The following CYB5R4 variants were observed in gnomAD, a reference collection of about 807,000 sequenced individuals.
CYB5R4 encodes cytochrome b5 reductase 4, also known as N-terminal cytochrome b5 and cytochrome b5 oxidoreductase domain-containing protein.
Under a neutral mutation model 70.2 loss-of-function variants are expected in CYB5R4, and 55 were observed. The ratio of observed to expected loss-of-function variants is 0.78; its 90% CI spans 0.63 to 0.98. The LOEUF is 0.98. Among genes scored for constraint, CYB5R4 ranks in the 50% least tolerant of loss-of-function variants. The pLI, the probability that CYB5R4 is intolerant of heterozygous loss-of-function variation, is 0.00. For synonymous variants in CYB5R4, 197 were observed against 199.5 expected, an observed-to-expected ratio of 0.99 and a Z score of 0.11; for missense variants, 562 against 612.6, an observed-to-expected ratio of 0.92 and a Z score of 0.87.
At chr6:83,893,747 G>C in intron 3 of CYB5R4, 125 bp downstream of exon 3, 1 of 568,580 alleles carries the variant, frequency 1.8e-6, no homozygotes, top group Non-Finnish European at 3.1e-6. Context: ...GAATTTTGAA[G>C]TGTGGGAAGA....
intron 3 of CYB5R4, among the ~76,000 whole-genome samples, chr6:83,906,765 T>A (rs2129137299): frequency 6.6e-6 from 1 of 152,338 alleles, no homozygotes; most frequent in South Asian, 2.1e-4. Context: ...ATACCTCTAG[T>A]CAACTATCTT....
intron 14 of CYB5R4, among the ~76,000 whole-genome samples, chr6:83,946,045 AAG>A (rs745382731): frequency 2.6e-5 from 4 of 152,212 alleles, no homozygotes; most frequent in Non-Finnish European, 5.9e-5. Flanking sequence ...ACAGTAGAAA[AAG>A]AGGGAATCCT....
At chr6:83,937,330 T>G (rs1163635720) in intron 12 of CYB5R4, among the ~76,000 whole-genome samples, 1 of 151,942 alleles carries the variant, frequency 6.6e-6, no homozygotes, top group African/African-American at 2.4e-5. Context: ...GAATATCACT[T>G]TATGGAGCCC....
At position 83,961,133 on chromosome 6, in the gene CYB5R4, A is replaced by AG. The variant is rs2099473274; in HGVS notation, c.*1256dup. The AG allele has an allele frequency of 6.6e-6, 1 of 152,198 alleles. No homozygotes were observed. The highest frequency in any genetic ancestry group is 1.5e-5 in the Non-Finnish European group (1 of 68,044). The allele number at this position is 152,198 out of a possible 1,614,324, so 9.4% of individuals were successfully genotyped here. A position where few individuals can be genotyped will look rare whatever the true frequency, so the allele number is the denominator to read the frequency against. On this transcript the variant is annotated 3_prime_UTR_variant, in exon 16 of 16. Transcript: ENST00000369681. ...AATATTCCCCAAATTACAGACGCCCAGCTTGTGAAGCTTCCTATGTGCAAA... is the reference window on the plus strand; with the variant it reads ...AATATTCCCCAAATTACAGACGCCCAGGCTTGTGAAGCTTCCTATGTGCAAA...
At chr6:83,941,932 A>C (rs1158647567) in intron 14 of CYB5R4, among the ~76,000 whole-genome samples, 1 of 152,208 alleles carries the variant, frequency 6.6e-6, no homozygotes. Flanking sequence ...AACTTTATTC[A>C]CAAATTACTT....
intron 5 of CYB5R4, among the ~76,000 whole-genome samples, chr6:83,916,637 T>C (rs1222443063): frequency 3.3e-5 from 5 of 152,178 alleles, no homozygotes; most frequent in African/African-American, 1.2e-4. Context: ...TTTGTTTATT[T>C]GAAAATAGTG....
chr6:83,895,906 AAAT>A (rs1209956687), intron 3 of CYB5R4, among the ~76,000 whole-genome samples: 1 of 152,172 alleles, frequency 6.6e-6, no homozygotes, highest in Non-Finnish European at 1.5e-5. Flanking sequence ...TTAGCTGCAC[AAAT>A]AATAGTAATT....
At position 83,868,621 on chromosome 6, in the gene CYB5R4, T is replaced by C. The variant is rs965176455; in HGVS notation, c.229+4293T>C. Among the ~76,000 whole-genome samples, 5 of 152,218 alleles carry C rather than the reference T, an allele frequency of 3.3e-5. No homozygotes were observed. The East Asian group carries it at 9.6e-4, about 29-fold the overall frequency. On this transcript the variant is annotated intron_variant, in intron 2 of 15. Coordinates refer to ENST00000369681, the MANE Select transcript of CYB5R4 (RefSeq NM_016230.4). ...TCGGTTTGTAGGGGGATTACTGCTT[T>C]TTTAAAAAACTTGAATTTACCATTA...
rs1351921832 is a variant in CYB5R4 at position 83,891,972 on chromosome 6, T to G, written c.230-1550T>G. On this transcript the variant is annotated intron_variant, in intron 2 of 15. Transcript: ENST00000369681. ...TCAGGACTTGATTGTAGAGAAAGTTTGGAACTCTTGTTTGGGAGGCATCCT... is the reference window on the plus strand; with the variant it reads ...TCAGGACTTGATTGTAGAGAAAGTTGGGAACTCTTGTTTGGGAGGCATCCT... 2.0e-5 allele frequency among the ~76,000 whole-genome samples: 3 copies of G among 152,174 alleles called. No homozygotes were observed. In the South Asian group the frequency reaches 6.2e-4, roughly 32 times the overall value.
At chr6:83,958,942 T>C (rs1421156366) in intron 15 of CYB5R4, among the ~76,000 whole-genome samples, 1 of 152,174 alleles carries the variant, frequency 6.6e-6, no homozygotes, top group Non-Finnish European at 1.5e-5. Context: ...AGTTGAACAA[T>C]ACGCAGTATT....
chr6:83,917,547 A>G (rs2099465714), intron 5 of CYB5R4, among the ~76,000 whole-genome samples: 3 of 152,152 alleles, frequency 2.0e-5, no homozygotes, highest in Admixed American at 6.5e-5. Flanking sequence ...TACAAAAAGG[A>G]CCAAGCTGAT....
intron 8 of CYB5R4, 51 bp downstream of exon 8, chr6:83,921,226 T>C: frequency 7.2e-7 from 1 of 1,382,466 alleles, no homozygotes; most frequent in Non-Finnish European, 9.7e-7. Context: ...TCTTTAAATA[T>C]GGCAATAACT....
chr6:83,939,963 C>T, intron 12 of CYB5R4, 93 bp from the exon 13 acceptor site: 1 of 811,896 alleles, frequency 1.2e-6, no homozygotes, highest in Non-Finnish European at 2.0e-6. Flanking sequence ...GTTTTAAATT[C>T]AGCTAGTTTT....
intron 14 of CYB5R4, among the ~76,000 whole-genome samples, chr6:83,941,996 C>T (rs2099469842): frequency 6.6e-6 from 1 of 152,146 alleles, no homozygotes; most frequent in Non-Finnish European, 1.5e-5. Flanking sequence ...TTTTCTACTT[C>T]ATAAAGTATT....
rs527238990 is a variant in CYB5R4, at chr6:83,863,667, G to A, written c.76-508G>A. ...TCAGCCCTGTGTAGCCCTGGGTTCC[G>A]CGTCCAAGGATTCAACCAACTTTAG... On this transcript the variant is annotated intron_variant, in intron 1 of 15. Transcript: ENST00000369681. Among the ~76,000 whole-genome samples, 8 of 152,132 alleles carry A rather than the reference G, an allele frequency of 5.3e-5. 1 individual carries two copies. In the South Asian group the frequency reaches 8.3e-4, roughly 16 times the overall value.
Position 83,938,899 on chromosome 6 carries a change from A to G in CYB5R4, c.1109-1157A>G, listed in dbSNP as rs532077338. 2.0e-5 allele frequency among the ~76,000 whole-genome samples: 3 copies of G among 151,912 alleles called. No homozygotes were observed. In the East Asian group the frequency reaches 5.8e-4, roughly 30 times the overall value. ...CAGGCTGGAGTGCAGTGGCATCGCA[A>G]TCTCGGCTCACTGCAACCTCCGCCT... On this transcript the variant is annotated intron_variant, in intron 12 of 15. Transcript: ENST00000369681.
At chr6:83,894,675 T>G (rs1016138973) in intron 3 of CYB5R4, among the ~76,000 whole-genome samples, 4 of 152,216 alleles carry the variant, frequency 2.6e-5, no homozygotes, top group African/African-American at 9.6e-5. Context: ...AAACAGTCAA[T>G]TAACATATAT....
At chr6:83,915,862 C>T (rs2099465423) in intron 5 of CYB5R4, among the ~76,000 whole-genome samples, 1 of 152,162 alleles carries the variant, frequency 6.6e-6, no homozygotes, top group Non-Finnish European at 1.5e-5. Flanking sequence ...GGTTGGACTA[C>T]TTTCCTATTC....
rs189791776 is a variant in CYB5R4 at position 83,888,811 on chromosome 6, T to C, written c.230-4711T>C. The stretch of plus-strand genomic sequence containing the variant: ...TTGAAAGCTGAAAAATGCTGAAAGC[T>C]ATGCCACTAGTGCCACACAGTTAGC... On this transcript the variant is annotated intron_variant, in intron 2 of 15. Coordinates refer to ENST00000369681, the MANE Select transcript of CYB5R4 (RefSeq NM_016230.4). Among the ~76,000 whole-genome samples, 8 of 152,340 alleles carry C rather than the reference T, an allele frequency of 5.3e-5. No homozygotes were observed. In the East Asian group the frequency reaches 1.5e-3, roughly 29 times the overall value.
Sources: allele counts gnomAD v4.1 joint callset (sites outside exome capture counted in the v4.1 genomes callset), GRCh38; gene constraint gnomAD v4.1.1; transcripts MANE v1.5; gene names NCBI Gene and HGNC (gene_info 2026-07-23, HGNC 2026-07-21).